The following MFGE8 variants were observed in gnomAD, a reference collection of about 807,000 sequenced individuals.
MFGE8 encodes milk fat globule EGF and factor V/VIII domain containing.
MFGE8 carries 34 observed loss-of-function variants against 42.6 expected under a neutral mutation model. That is an observed-to-expected ratio of 0.80 (90% confidence interval 0.61 to 1.06). The LOEUF (loss-of-function observed/expected upper bound fraction) is 1.06, where lower values mean the gene tolerates loss of function less well. Ranked by LOEUF, MFGE8 falls within the 50% of genes least tolerant of loss-of-function variation. MFGE8 has a pLI of 0.00. For missense variants in MFGE8, 510 were observed against 516.9 expected (o/e 0.99, Z 0.13); for synonymous variants, 230 against 214.8 (o/e 1.07, Z -0.62).
Position 88,901,393 on chromosome 15 carries a change from A to G in MFGE8, c.870+158T>C, listed in dbSNP as rs536602526. ...AAGCAGGATCAAGAGAAGGGAGTAC[A>G]GGTGGGAAGAAGAAAGAAAAGCCGA... On this transcript the variant is annotated intron_variant, in intron 6 of 7. Transcript: ENST00000268150. 5.3e-5 allele frequency among the ~76,000 whole-genome samples: 8 copies of G among 152,296 alleles called. No individual in the cohort carries two copies. The East Asian group carries it at 1.5e-3, about 29-fold the overall frequency.
chr15:88,907,149 G>A (rs1337346817), intron 3 of MFGE8, 46 bp downstream of exon 3: 1 of 1,581,716 alleles, frequency 6.3e-7, no homozygotes, highest in Non-Finnish European at 8.6e-7. Flanking sequence ...AACATTCATC[G>A]AGCCTTCTCT....
chr15:88,909,763 A>G, intron 2 of MFGE8, 29 bp downstream of exon 2: 4 of 1,613,362 alleles, frequency 2.5e-6, no homozygotes, highest in Non-Finnish European at 3.4e-6. Context: ...ACTGCTAGAA[A>G]CAGGCAACAA....
chr15:88,913,364 G>A lies in MFGE8; in HGVS notation c.-45C>T. 2 of 1,345,196 alleles carry A rather than the reference G, an allele frequency of 1.5e-6. No individual in the cohort carries two copies. Among genetic ancestry groups the A allele is most frequent in the South Asian group, 3.4e-5 (2 of 58,394 alleles). The allele number at this position is 1,345,196 out of a possible 1,614,324, so 83.3% of individuals were successfully genotyped here. A position where few individuals can be genotyped will look rare whatever the true frequency, so the allele number is the denominator to read the frequency against. The stretch of plus-strand genomic sequence containing the variant: ...TGGAATGGGCACGCTGGGCTGCTCA[G>A]ACCCCGCGGGGTTCTGGCGCCTTCT... On this transcript the variant is annotated 5_prime_UTR_variant, in exon 1 of 8. Coordinates refer to ENST00000268150, the MANE Select transcript of MFGE8 (RefSeq NM_005928.4).
chr15:88,901,942 C>T lies in MFGE8; in HGVS notation c.686-207G>A, dbSNP rs146228553. 3.8e-5 allele frequency: 23 copies of T among 603,836 alleles called. No individual in the cohort carries two copies. In the East Asian group the frequency reaches 5.4e-4, roughly 14 times the overall value. The allele number at this position is 603,836 out of a possible 1,614,324, so 37.4% of individuals were successfully genotyped here. On this transcript the variant is annotated intron_variant, in intron 5 of 7. Coordinates refer to ENST00000268150, the MANE Select transcript of MFGE8 (RefSeq NM_005928.4). ...CCACCACCTCCTCACCTCAACCAGC[C>T]GGGCTCAGCTCCTCACAGATCACCC...
Position 88,913,326 on chromosome 15 carries a change from G to C in MFGE8, c.-7C>G, listed in dbSNP as rs1263650741. On this transcript the variant is annotated 5_prime_UTR_variant, in exon 1 of 8. Coordinates refer to ENST00000268150, the MANE Select transcript of MFGE8 (RefSeq NM_005928.4). ...GCAGGCGGGGGCGCGGCATGCTGCG[G>C]GGACGCGGGCGCTGGAATGGGCACG... The C allele has an allele frequency of 7.0e-6, 10 of 1,436,092 alleles. No individual in the cohort carries two copies. The highest frequency in any genetic ancestry group is 2.9e-5 in the East Asian group (1 of 34,462). 89.0% of individuals were successfully genotyped at this position (1,436,092 alleles called of 1,614,324 possible). A position where few individuals can be genotyped will look rare whatever the true frequency, so the allele number is the denominator to read the frequency against.
chr15:88,901,197 A>G (rs1347600404), intron 6 of MFGE8, among the ~76,000 whole-genome samples: 1 of 107,178 alleles, frequency 9.3e-6, no homozygotes, highest in Non-Finnish European at 2.1e-5. Context: ...ACACACATTC[A>G]CACATTCACA....
At position 88,905,277 on chromosome 15, in the gene MFGE8, C is replaced by A. The variant is rs761081439; in HGVS notation, c.685+480G>T. 1.4e-4 allele frequency: 50 copies of A among 363,458 alleles called. No individual in the cohort carries two copies. Among genetic ancestry groups the A allele is most frequent in the Non-Finnish European group, 2.4e-4 (45 of 186,204 alleles). 22.5% of individuals were successfully genotyped at this position (363,458 alleles called of 1,614,324 possible). On this transcript the variant is annotated intron_variant, in intron 5 of 7. Transcript: ENST00000268150. This position sits in a 1 kb window ranked among gnomAD's most constrained non-coding sequence, Gnocchi z 6.6. The stretch of plus-strand genomic sequence containing the variant: ...AGTCTTAATACCTACCAGATGTGTA[C>A]CCTTAATAAATCATTCATCGGGGCC...
Position 88,906,008 on chromosome 15 carries a change from G to T in MFGE8, c.541-107C>A. 7.2e-7 allele frequency: 1 copy of T among 1,392,650 alleles called. No homozygotes were observed. Among genetic ancestry groups the T allele is most frequent in the Non-Finnish European group, 1.0e-6 (1 of 986,802 alleles). 86.3% of individuals were successfully genotyped at this position (1,392,650 alleles called of 1,614,324 possible). A position where few individuals can be genotyped will look rare whatever the true frequency, so the allele number is the denominator to read the frequency against. On this transcript the variant is annotated intron_variant, in intron 4 of 7. Coordinates refer to ENST00000268150, the MANE Select transcript of MFGE8 (RefSeq NM_005928.4). This position sits in a 1 kb window ranked among gnomAD's most constrained non-coding sequence, Gnocchi z 4.2. ...GACCTGGGAGGCAGAGGTGGGGCTG[G>T]GAGGGTGAAGAGGACTTGGAAGAGC...
At position 88,899,115 on chromosome 15, in the gene MFGE8, G is replaced by A; in HGVS notation, c.*280C>T. 1.9e-6 allele frequency: 1 copy of A among 521,780 alleles called. No individual in the cohort carries two copies. The highest frequency in any genetic ancestry group is 3.4e-5 in the East Asian group (1 of 29,040). 32.3% of individuals were successfully genotyped at this position (521,780 alleles called of 1,614,324 possible). A position where few individuals can be genotyped will look rare whatever the true frequency, so the allele number is the denominator to read the frequency against. ...GCAGGGAAACCACACGCCCTACTTT[G>A]CCCTTTCCTGTCCATCCCAGACCTA... is the stretch of plus-strand genomic sequence containing the variant. On this transcript the variant is annotated 3_prime_UTR_variant, in exon 8 of 8. Transcript: ENST00000268150. This position sits in a 1 kb window ranked among gnomAD's most constrained non-coding sequence, Gnocchi z 6.8.
intron 1 of MFGE8, chr15:88,910,367 C>A (rs1898900108): frequency 3.7e-6 from 1 of 271,454 alleles, no homozygotes; most frequent in Admixed American, 4.9e-5. Flanking sequence ...GAGCAGGTTC[C>A]GCCCACCAAT....
At position 88,906,036 on chromosome 15, in the gene MFGE8, G is replaced by A; in HGVS notation, c.541-135C>T. ...GGGTGAAGAGGACTTGGAAGAGCCAGCAGAGGCTCACACAGCAGCCTCTCC... is the reference window on the plus strand; with the variant it reads ...GGGTGAAGAGGACTTGGAAGAGCCAACAGAGGCTCACACAGCAGCCTCTCC... On this transcript the variant is annotated intron_variant, in intron 4 of 7. Coordinates refer to ENST00000268150, the MANE Select transcript of MFGE8 (RefSeq NM_005928.4). The surrounding 1 kb of genome is among the most constrained non-coding windows in gnomAD (Gnocchi z 4.2). 9.6e-7 allele frequency: 1 copy of A among 1,044,216 alleles called. No homozygotes were observed. Among genetic ancestry groups the A allele is most frequent in the South Asian group, 1.4e-5 (1 of 73,980 alleles). The allele number at this position is 1,044,216 out of a possible 1,614,324, so 64.7% of individuals were successfully genotyped here.
rs1898438889 is a variant in MFGE8, at chr15:88,901,644, G to A, written c.777C>T (p.Leu259=). 1.2e-6 allele frequency: 2 copies of A among 1,613,922 alleles called. No individual in the cohort carries two copies. Among genetic ancestry groups the A allele is most frequent in the Non-Finnish European group, 1.7e-6 (2 of 1,180,000 alleles). ...GTGCATAGGAGGGGTTCCAGCTGAA[G>A]AGATGCAAGCCCCAGGTCTTGTAGC... The part of the protein sequence containing the change: ...SSSYKTWGLH[L]FSWNPSYARL... Residue 259 remains leucine, a synonymous_variant, in exon 6 of 8, where the codon CTC becomes CTT. Coordinates refer to ENST00000268150, the MANE Select transcript of MFGE8 (RefSeq NM_005928.4).
intron 1 of MFGE8, chr15:88,912,844 A>C (rs1899031432): frequency 1.0e-6 from 1 of 985,338 alleles, no homozygotes; most frequent in Non-Finnish European, 1.2e-6. Flanking sequence ...GGCCAGGACA[A>C]AGTTATCCAG....
chr15:88,908,019 A>G (rs34136284), intron 2 of MFGE8, among the ~76,000 whole-genome samples: 16,409 of 152,200 alleles, frequency 0.11, 1,008 homozygotes, highest in Non-Finnish European at 0.14. Context: ...CACAAATGCC[A>G]TTCTGCTTTC....
In MFGE8 at chr15:88,905,588, G is replaced by A; in HGVS notation, c.685+169C>T. The A allele has an allele frequency of 1.2e-6, 1 of 842,206 alleles. No homozygotes were observed. The highest frequency in any genetic ancestry group is 1.4e-5 in the South Asian group (1 of 70,222). The allele number at this position is 842,206 out of a possible 1,614,324, so 52.2% of individuals were successfully genotyped here. A position where few individuals can be genotyped will look rare whatever the true frequency, so the allele number is the denominator to read the frequency against. The stretch of plus-strand genomic sequence containing the variant: ...GGCAGACAGCAAACACCTGGGTGGG[G>A]CTGCTATGGCCAGGTGACCCCCTAG... On this transcript the variant is annotated intron_variant, in intron 5 of 7. Transcript: ENST00000268150. This position sits in a 1 kb window ranked among gnomAD's most constrained non-coding sequence, Gnocchi z 6.6.
At chr15:88,911,739 GA>G (rs71149239) in intron 1 of MFGE8, among the ~76,000 whole-genome samples, 57,200 of 140,218 alleles carry the variant, frequency 0.41, 12,260 homozygotes, top group African/African-American at 0.6. Context: ...AAAGAAAAAA[GA>G]AAAAAAAAAA....
intron 1 of MFGE8, 48 bp from the exon 2 acceptor site, chr15:88,909,971 G>C: frequency 4.3e-6 from 7 of 1,612,202 alleles, no homozygotes; most frequent in Non-Finnish European, 3.4e-6. Context: ...GAAGGAGCTG[G>C]GGACACAGGT....
intron 1 of MFGE8, 126 bp downstream of exon 1, chr15:88,913,121 C>T: frequency 1.5e-6 from 2 of 1,359,724 alleles, no homozygotes; most frequent in Non-Finnish European, 1.9e-6. Context: ...CGCCCCTCTG[C>T]CCAGCCCGGT....
Position 88,905,546 on chromosome 15 carries a change from G to A in MFGE8, c.685+211C>T, listed in dbSNP as rs895244626. On this transcript the variant is annotated intron_variant, in intron 5 of 7. Transcript: ENST00000268150. The surrounding 1 kb of genome is among the most constrained non-coding windows in gnomAD (Gnocchi z 6.6). The stretch of plus-strand genomic sequence containing the variant: ...TGTCTTTTTCTCTATCAATCAGAAT[G>A]CCCTGGGTCATGGGTTGGCAGACAG... 6 of 709,422 alleles carry A rather than the reference G, an allele frequency of 8.5e-6. No individual in the cohort carries two copies. Among genetic ancestry groups the A allele is most frequent in the Non-Finnish European group, 1.5e-5 (6 of 393,168 alleles). 43.9% of individuals were successfully genotyped at this position (709,422 alleles called of 1,614,324 possible). A position where few individuals can be genotyped will look rare whatever the true frequency, so the allele number is the denominator to read the frequency against.
Sources: gnomAD v4.1 joint callset for allele counts (sites outside exome capture counted in the v4.1 genomes callset) on GRCh38, gnomAD v4.1.1 for gene constraint, Gnocchi (gnomAD v3.1) non-coding constraint, MANE v1.5 for transcripts, NCBI Gene and HGNC (gene_info 2026-07-23, HGNC 2026-07-21) for gene names.